CPNE7: variants seen among roughly 807,000 people sequenced by gnomAD.
The protein encoded by CPNE7 is copine 7, also known as copine-7.
CPNE7 carries 78 observed loss-of-function variants against 66.5 expected under a neutral mutation model. The observed-to-expected ratio is 1.17, with a 90% CI of 0.98 to 1.42. The LOEUF is 1.42. CPNE7 is among the 40% of genes most tolerant of loss of function. The pLI, the probability that CPNE7 is intolerant of heterozygous loss-of-function variation, is 0.00. For synonymous variants in CPNE7, 468 were observed against 336.7 expected (o/e 1.39, Z -4.27); for missense variants, 1,012 against 776.6 (o/e 1.30, Z -3.60).
intron 1 of CPNE7, among the ~76,000 whole-genome samples, chr16:89,576,471 G>C (rs1276119074): frequency 6.6e-6 from 1 of 152,014 alleles, no homozygotes; most frequent in Non-Finnish European, 1.5e-5. Context: ...GAGGCTGGGC[G>C]GGAGCAGGCC....
chr16:89,595,241 C>A, intron 13 of CPNE7, 126 bp from the exon 14 acceptor site: 1 of 724,896 alleles, frequency 1.4e-6, no homozygotes. Flanking sequence ...GCATCACACT[C>A]TGAAGGCGGT....
At position 89,584,638 on chromosome 16, in the gene CPNE7, A is replaced by T. The variant is rs1446212787; in HGVS notation, c.508-136A>T. 2.8e-5 allele frequency: 19 copies of T among 677,410 alleles called. No homozygotes were observed. Among genetic ancestry groups the T allele is most frequent in the Non-Finnish European group, 5.0e-5 (19 of 382,854 alleles). The allele number at this position is 677,410 out of a possible 1,614,324, so 42.0% of individuals were successfully genotyped here. On this transcript the variant is annotated intron_variant, in intron 4 of 14. Transcript: ENST00000319518. The surrounding 1 kb of genome is among the most constrained non-coding windows in gnomAD (Gnocchi z 6.0). ...GAGGGACGAGATGCTGTCGGCGGGG[A>T]CTGGCTGCCTCGTTTTGTGCCTGAG...
At chr16:89,593,640 C>T (rs952354114) in intron 13 of CPNE7, among the ~76,000 whole-genome samples, 1 of 152,254 alleles carries the variant, frequency 6.6e-6, no homozygotes, top group African/African-American at 2.4e-5. Flanking sequence ...GCGTGAGCCA[C>T]CGCGCCCGGC....
chr16:89,587,490 GCCC>G (rs1354845183), intron 9 of CPNE7: 1 of 448,420 alleles, frequency 2.2e-6, no homozygotes, highest in Admixed American at 2.4e-5. Context: ...TCAGGAAGCA[GCCC>G]CAAGCCCGCC....
rs2059019292 is a variant in CPNE7, at chr16:89,585,461, C to T, written c.592-3C>T. On this transcript the variant is annotated splice_polypyrimidine_tract_variant and splice_region_variant and intron_variant, in intron 5 of 14. Transcript: ENST00000319518. ...CCCTGAGCCAGCCCCTCCCGGCCCA[C>T]AGGTGGTGAAGAACAACCTGAACCC... 1.2e-6 allele frequency: 2 copies of T among 1,609,834 alleles called. No homozygotes were observed. The highest frequency in any genetic ancestry group is 1.3e-5 in the African/African-American group (1 of 74,900).
At chr16:89,589,839 C>T in intron 10 of CPNE7, 58 bp from the exon 11 acceptor site, 2 of 1,590,332 alleles carry the variant, frequency 1.3e-6, no homozygotes, top group Non-Finnish European at 1.7e-6. Flanking sequence ...CTAGAAGTGG[C>T]CCCTGTTGCA....
At chr16:89,590,269 A>G (rs184204902) in intron 11 of CPNE7, among the ~76,000 whole-genome samples, 1 of 152,264 alleles carries the variant, frequency 6.6e-6, no homozygotes, top group Admixed American at 6.5e-5. Context: ...TCACGCCTGT[A>G]ATCCCAGCAC....
chr16:89,595,899 C>A (rs1314484286), intron 14 of CPNE7: 1 of 577,742 alleles, frequency 1.7e-6, no homozygotes, highest in Non-Finnish European at 3.3e-6. Flanking sequence ...ACCTCTGCGA[C>A]CCGGCGAGAC....
intron 10 of CPNE7, among the ~76,000 whole-genome samples, chr16:89,589,603 A>G (rs1444637877): frequency 6.6e-6 from 1 of 151,332 alleles, no homozygotes; most frequent in Non-Finnish European, 1.5e-5. Flanking sequence ...GCCCCACAGG[A>G]CCCCTCCCGT....
At chr16:89,588,524 G>A (rs1267919368) in intron 9 of CPNE7, 151 bp from the exon 10 acceptor site, 5 of 863,780 alleles carry the variant, frequency 5.8e-6, no homozygotes, top group Non-Finnish European at 8.9e-6. Flanking sequence ...GTAGCAGGTG[G>A]GTCAGCCCCA....
intron 2 of CPNE7, chr16:89,578,975 C>G: frequency 1.9e-6 from 3 of 1,606,468 alleles, no homozygotes; most frequent in Non-Finnish European, 2.6e-6. Flanking sequence ...CTTGCCAGGA[C>G]GGGTCCTTCT....
Position 89,595,471 on chromosome 16 carries a change from C to T in CPNE7, c.1407C>T (p.Ile469=), listed in dbSNP as rs138047985. 28 of 1,612,454 alleles carry T rather than the reference C, an allele frequency of 1.7e-5. No homozygotes were observed. The highest frequency in any genetic ancestry group is 1.7e-4 in the Middle Eastern group (1 of 6,060). The change falls in exon 14 of 15, where the codon ATC becomes ATT. Residue 469 remains isoleucine (I), a synonymous_variant. Coordinates refer to ENST00000319518, the MANE Select transcript of CPNE7 (RefSeq NM_153636.3). ...RASRLPMSII[I]VGVGNADFTD... The stretch of plus-strand genomic sequence containing the variant: ...CACGCCTGCCCATGTCCATCATCAT[C>T]GTGGGCGTGGGCAACGCCGACTTCA...
intron 2 of CPNE7, among the ~76,000 whole-genome samples, chr16:89,582,067 G>A (rs2058965821): frequency 6.6e-6 from 1 of 152,248 alleles, no homozygotes; most frequent in Non-Finnish European, 1.5e-5. Context: ...AGATATGAAT[G>A]TGTGTGTGAG....
chr16:89,596,878 G>C lies in CPNE7; in HGVS notation c.*257G>C, dbSNP rs1416011622. On this transcript the variant is annotated 3_prime_UTR_variant, in exon 15 of 15. Coordinates refer to ENST00000319518, the MANE Select transcript of CPNE7 (RefSeq NM_153636.3). ...TGGGTGGAGGGAGGGAGATCATGAG[G>C]GACTTGGAGGGAGCTGGGAGTTCAT... The C allele has an allele frequency of 5.0e-6, 2 of 400,822 alleles. No individual in the cohort carries two copies. The highest frequency in any genetic ancestry group is 8.8e-6 in the Non-Finnish European group (2 of 227,976). The allele number at this position is 400,822 out of a possible 1,614,324, so 24.8% of individuals were successfully genotyped here. A position where few individuals can be genotyped will look rare whatever the true frequency, so the allele number is the denominator to read the frequency against.
chr16:89,586,398 C>T (rs534522559), intron 7 of CPNE7, among the ~76,000 whole-genome samples: 1 of 149,986 alleles, frequency 6.7e-6, no homozygotes, highest in Non-Finnish European at 1.5e-5. Flanking sequence ...GTGGGGAGGC[C>T]ACCCTGGGCC....
chr16:89,595,867 G>T (rs944358338), intron 14 of CPNE7: 1 of 625,304 alleles, frequency 1.6e-6, no homozygotes, highest in Non-Finnish European at 3.0e-6. Context: ...GATCCACCAC[G>T]CGGCTTCCCC....
rs1454390522 is a variant in CPNE7 at position 89,588,152 on chromosome 16, C to T, written c.928-523C>T. ...CACCCGCGTGTCACCCACAGATACA[C>T]GGCCCCCGTGTCACCCGCGTGTCAC... On this transcript the variant is annotated intron_variant, in intron 9 of 14. Transcript: ENST00000319518. Among the ~76,000 whole-genome samples the T allele has an allele frequency of 1.5e-4, 16 of 110,302 alleles. 1 individual carries two copies. The highest frequency in any genetic ancestry group is 3.2e-4 in the South Asian group (1 of 3,172). 72.4% of individuals were successfully genotyped at this position (110,302 alleles called of 152,430 possible).
rs536455318 is a variant in CPNE7, at chr16:89,584,761, T to C, written c.508-13T>C. The C allele has an allele frequency of 6.2e-7, 1 of 1,608,908 alleles. No individual in the cohort carries two copies. The highest frequency in any genetic ancestry group is 1.7e-5 in the Admixed American group (1 of 59,608). On this transcript the variant is annotated splice_polypyrimidine_tract_variant and intron_variant, in intron 4 of 14. Transcript: ENST00000319518. The surrounding 1 kb of genome is among the most constrained non-coding windows in gnomAD (Gnocchi z 6.0). ...ACAGTGCCTGGCCCAGCAGCCCTTG[T>C]GCCTCTCCCCAGGACCTCTTCAGCA...
At chr16:89,591,804 C>A (rs28668090) in intron 13 of CPNE7, among the ~76,000 whole-genome samples, 7,288 of 151,718 alleles carry the variant, frequency 0.048, 475 homozygotes, top group African/African-American at 0.15. Context: ...GGGTTCACGC[C>A]ATTCTCCTGC....
Sources: allele counts gnomAD v4.1 joint callset (sites outside exome capture counted in the v4.1 genomes callset), GRCh38; gene constraint gnomAD v4.1.1; non-coding constraint Gnocchi (gnomAD v3.1); transcripts MANE v1.5; gene names NCBI Gene and HGNC (gene_info 2026-07-23, HGNC 2026-07-21).